NET1: variants seen among roughly 807,000 people sequenced by gnomAD.
NET1 encodes neuroepithelial cell-transforming gene 1 protein.
Under a neutral mutation model 61.1 loss-of-function variants are expected in NET1, and 42 were observed. That is an observed-to-expected ratio of 0.69 (90% CI 0.54 to 0.89). NET1 has a LOEUF of 0.89. Among genes scored for constraint, NET1 ranks in the 40% least tolerant of loss-of-function variants. The pLI is 0.00. For missense variants in NET1, 654 were observed against 747.3 expected (o/e 0.88, Z 1.46); for synonymous variants, 254 against 281.8 (o/e 0.90, Z 0.99).
rs57698527 is a variant in NET1 at position 5,428,038 on chromosome 10, CTTTTTTTTTTTTTT to C, written c.196-1116_196-1103del. On this transcript the variant is annotated intron_variant, in intron 2 of 11. Transcript: ENST00000355029. ...CACTTCTATCTGGACTTTGCCGTTCCTTTTTTTTTTTTTTTTTTTTTTTTTTTTTCTTCTCTATT... is the reference window on the plus strand; with the variant it reads ...CACTTCTATCTGGACTTTGCCGTTCCTTTTTTTTTTTTTTTCTTCTCTATT... 4.6e-4 allele frequency among the ~76,000 whole-genome samples: 52 copies of C among 113,876 alleles called. 1 individual carries two copies. In the East Asian group the frequency reaches 9.7e-3, roughly 21 times the overall value. 74.7% of individuals were successfully genotyped at this position (113,876 alleles called of 152,430 possible).
rs757782286 is a variant in NET1 at position 5,456,275 on chromosome 10, TA to T, written c.1384+6del. 1.3e-6 allele frequency: 2 copies of T among 1,599,914 alleles called. No homozygotes were observed. Among genetic ancestry groups the T allele is most frequent in the Middle Eastern group, 1.7e-4 (1 of 6,006 alleles). On this transcript the variant is annotated splice_donor_region_variant and intron_variant, in intron 11 of 11. Coordinates refer to ENST00000355029, the MANE Select transcript of NET1 (RefSeq NM_001047160.3). This position sits in a 1 kb window ranked among gnomAD's most constrained non-coding sequence, Gnocchi z 7.0. ...GAGCTTTCAGTAACTCAGAGAAAGG[TA>T]AAATGCAGGCCTTCAATAATTTAAA...
At chr10:5,434,729 G>GTT (rs372455994) in intron 3 of NET1, among the ~76,000 whole-genome samples, 1 of 123,034 alleles carries the variant, frequency 8.1e-6, no homozygotes, top group African/African-American at 3.0e-5. Context: ...TAGTTGCTCT[G>GTT]TTTTTTTTTT....
chr10:5,458,551 A>G lies in NET1; in HGVS notation c.*1557A>G, dbSNP rs1304001621. ...GGCAAAGGAGGTAGTGGTAAGCCTC[A>G]TAAAAGTTAGTAAAAATTGTAGTTC... On this transcript the variant is annotated 3_prime_UTR_variant, in exon 12 of 12. Coordinates refer to ENST00000355029, the MANE Select transcript of NET1 (RefSeq NM_001047160.3). This position sits in a 1 kb window ranked among gnomAD's most constrained non-coding sequence, Gnocchi z 4.5. 1 of 152,652 alleles carries G rather than the reference A, an allele frequency of 6.6e-6. No homozygotes were observed. The allele number at this position is 152,652 out of a possible 1,614,324, so 9.5% of individuals were successfully genotyped here. A position where few individuals can be genotyped will look rare whatever the true frequency, so the allele number is the denominator to read the frequency against.
Position 5,452,984 on chromosome 10 carries a change from G to A in NET1, c.594+64G>A. 4 of 1,149,358 alleles carry A rather than the reference G, an allele frequency of 3.5e-6. No individual in the cohort carries two copies. Among genetic ancestry groups the A allele is most frequent in the Non-Finnish European group, 5.2e-6 (4 of 765,660 alleles). The allele number at this position is 1,149,358 out of a possible 1,614,324, so 71.2% of individuals were successfully genotyped here. ...AAAATTACATTTCACAAAATCTAAAGGATAGTTTTCTTAACCTTTAGAAGT... is the reference window on the plus strand; with the variant it reads ...AAAATTACATTTCACAAAATCTAAAAGATAGTTTTCTTAACCTTTAGAAGT... On this transcript the variant is annotated intron_variant, in intron 6 of 11. Coordinates refer to ENST00000355029, the MANE Select transcript of NET1 (RefSeq NM_001047160.3). The surrounding 1 kb of genome is among the most constrained non-coding windows in gnomAD (Gnocchi z 4.0).
At position 5,456,446 on chromosome 10, in the gene NET1, T is replaced by C. The variant is rs1362850892; in HGVS notation, c.1385-142T>C. The C allele has an allele frequency of 9.5e-7, 1 of 1,049,922 alleles. No homozygotes were observed. The highest frequency in any genetic ancestry group is 2.9e-5 in the Admixed American group (1 of 33,996). 65.0% of individuals were successfully genotyped at this position (1,049,922 alleles called of 1,614,324 possible). A position where few individuals can be genotyped will look rare whatever the true frequency, so the allele number is the denominator to read the frequency against. On this transcript the variant is annotated intron_variant, in intron 11 of 11. Transcript: ENST00000355029. This position sits in a 1 kb window ranked among gnomAD's most constrained non-coding sequence, Gnocchi z 7.0. ...AACACCCGCAGGTGTATCTAAGAAATAATGCATAGGCTTAATGTATTCACA... is the reference window on the plus strand; with the variant it reads ...AACACCCGCAGGTGTATCTAAGAAACAATGCATAGGCTTAATGTATTCACA...
At chr10:5,442,562 T>A (rs1346193872) in intron 3 of NET1, among the ~76,000 whole-genome samples, 2 of 152,182 alleles carry the variant, frequency 1.3e-5, no homozygotes, top group African/African-American at 4.8e-5. Flanking sequence ...CGCTAACCAA[T>A]CTGTGCCTCA....
At position 5,454,317 on chromosome 10, in the gene NET1, A is replaced by G; in HGVS notation, c.821A>G (p.Lys274Arg). The change falls in exon 9 of 12, where the codon AAA becomes AGA. Residue 274 changes from lysine to arginine, a missense_variant. By Grantham distance (26) the Lys-to-Arg change is conservative. Transcript: ENST00000355029. This position sits in a 1 kb window ranked among gnomAD's most constrained non-coding sequence, Gnocchi z 8.1. The part of the protein sequence containing the change: ...RGYCSNQLAA[K>R]ALLDQKKQDP... ...TACTGTAGTAACCAGCTGGCAGCCA[A>G]AGCTCTTCTTGATCAAAAGAAACAG... is the stretch of plus-strand genomic sequence containing the variant. 5 of 1,614,188 alleles carry G rather than the reference A, an allele frequency of 3.1e-6. No homozygotes were observed. The highest frequency in any genetic ancestry group is 4.2e-6 in the Non-Finnish European group (5 of 1,180,044).
chr10:5,450,480 A>G (rs568214549), intron 3 of NET1, among the ~76,000 whole-genome samples: 3 of 152,148 alleles, frequency 2.0e-5, no homozygotes, highest in Admixed American at 6.5e-5. Flanking sequence ...TATAGTCTTC[A>G]GTTGTTTAAA....
Position 5,456,338 on chromosome 10 carries a change from G to A in NET1, c.1384+65G>A, listed in dbSNP as rs532823654. ...TCAGAACTGAAGTGAATTTAGTTTTGCCTTTAAGAATTCTAGAGATGAAAT... is the reference window on the plus strand; with the variant it reads ...TCAGAACTGAAGTGAATTTAGTTTTACCTTTAAGAATTCTAGAGATGAAAT... On this transcript the variant is annotated intron_variant, in intron 11 of 11. Transcript: ENST00000355029. This position sits in a 1 kb window ranked among gnomAD's most constrained non-coding sequence, Gnocchi z 7.0. 182 of 1,421,808 alleles carry A rather than the reference G, an allele frequency of 1.3e-4. No individual in the cohort carries two copies. The highest frequency in any genetic ancestry group is 1.6e-4 in the Non-Finnish European group (173 of 1,066,288). The allele number at this position is 1,421,808 out of a possible 1,614,324, so 88.1% of individuals were successfully genotyped here. A position where few individuals can be genotyped will look rare whatever the true frequency, so the allele number is the denominator to read the frequency against.
At position 5,456,688 on chromosome 10, in the gene NET1, T is replaced by C; in HGVS notation, c.1485T>C (p.Cys495=). 1 of 1,614,114 alleles carries C rather than the reference T, an allele frequency of 6.2e-7. No individual in the cohort carries two copies. Among genetic ancestry groups the C allele is most frequent in the Admixed American group, 1.7e-5 (1 of 60,020 alleles). ...TCCACAAGCAGCAGTGGTTCAACTG[T>C]ATTCGAGCGGCCATTGCCCCCTTCC... The part of the protein sequence containing the change: ...DVFHKQQWFN[C]IRAAIAPFQS... The change falls in exon 12 of 12, where the codon TGT becomes TGC. Residue 495 remains cysteine, a synonymous_variant. Coordinates refer to ENST00000355029, the MANE Select transcript of NET1 (RefSeq NM_001047160.3). This position sits in a 1 kb window ranked among gnomAD's most constrained non-coding sequence, Gnocchi z 7.0.
rs749190950 is a variant in NET1 at position 5,417,558 on chromosome 10, C to A, written c.128+4738C>A. On this transcript the variant is annotated intron_variant, in intron 1 of 11. Transcript: ENST00000355029. The surrounding 1 kb of genome is among the most constrained non-coding windows in gnomAD (Gnocchi z 5.5). ...TGCTACCTTGCTGAGCTCATTAGTT[C>A]TAATAGTTTTTTAGTGGTTTCTTTA... 3.3e-5 allele frequency among the ~76,000 whole-genome samples: 5 copies of A among 152,156 alleles called. No individual in the cohort carries two copies. Among genetic ancestry groups the A allele is most frequent in the Admixed American group, 6.5e-5 (1 of 15,276 alleles).
Position 5,422,314 on chromosome 10 carries a change from G to T in NET1, c.129-4341G>T, listed in dbSNP as rs1007643915. Reference sequence around the variant, plus strand: ...ATCGTACCACTGCACTCCAGCCTGGGTGACAGAGCAAAACTCCGTCTCAAA... The same window carrying T: ...ATCGTACCACTGCACTCCAGCCTGGTTGACAGAGCAAAACTCCGTCTCAAA... On this transcript the variant is annotated intron_variant, in intron 1 of 11. Coordinates refer to ENST00000355029, the MANE Select transcript of NET1 (RefSeq NM_001047160.3). The surrounding 1 kb of genome is among the most constrained non-coding windows in gnomAD (Gnocchi z 4.1). Among the ~76,000 whole-genome samples the T allele has an allele frequency of 6.6e-6, 1 of 151,764 alleles. No homozygotes were observed. The highest frequency in any genetic ancestry group is 1.5e-5 in the Non-Finnish European group (1 of 67,966).
Position 5,454,491 on chromosome 10 carries a change from A to G in NET1, c.995A>G (p.Glu332Gly). The part of the protein sequence containing the change: ...LKEILKHTPK[E>G]HPDVQLLEDA... ...GAAATTCTTAAACACACTCCAAAAGAGCACCCTGATGTTCAGCTTCTGGAG... is the reference window on the plus strand; with the variant it reads ...GAAATTCTTAAACACACTCCAAAAGGGCACCCTGATGTTCAGCTTCTGGAG... The change falls in exon 9 of 12, where the codon GAG becomes GGG. Residue 332 changes from glutamate (E) to glycine (G), a missense_variant. Physicochemically the swap from Glu to Gly is moderately conservative, Grantham distance 98. Transcript: ENST00000355029. The surrounding 1 kb of genome is among the most constrained non-coding windows in gnomAD (Gnocchi z 8.1). 1 of 1,614,062 alleles carries G rather than the reference A, an allele frequency of 6.2e-7. No individual in the cohort carries two copies. Among genetic ancestry groups the G allele is most frequent in the Non-Finnish European group, 8.5e-7 (1 of 1,180,002 alleles).
intron 1 of NET1, among the ~76,000 whole-genome samples, chr10:5,418,037 A>G (rs768376518): frequency 3.3e-5 from 5 of 151,854 alleles, no homozygotes; most frequent in Non-Finnish European, 5.9e-5. Flanking sequence ...TTTTAAATAT[A>G]TTGTTGGATC....
chr10:5,416,155 C>T lies in NET1; in HGVS notation c.128+3335C>T, dbSNP rs1271028214. Among the ~76,000 whole-genome samples, 1 of 152,186 alleles carries T rather than the reference C, an allele frequency of 6.6e-6. No homozygotes were observed. The highest frequency in any genetic ancestry group is 2.4e-5 in the African/African-American group (1 of 41,446). ...CACCATTTTTTGAAGACTGTTCTTT[C>T]TCCCACTGAGTAGTCTTAGCACCCT... On this transcript the variant is annotated intron_variant, in intron 1 of 11. Transcript: ENST00000355029. This position sits in a 1 kb window ranked among gnomAD's most constrained non-coding sequence, Gnocchi z 6.1.
Position 5,451,809 on chromosome 10 carries a change from T to A in NET1, c.256-21T>A. 1 of 1,593,796 alleles carries A rather than the reference T, an allele frequency of 6.3e-7. No individual in the cohort carries two copies. Among genetic ancestry groups the A allele is most frequent in the Non-Finnish European group, 8.6e-7 (1 of 1,162,660 alleles). On this transcript the variant is annotated intron_variant, in intron 3 of 11. Coordinates refer to ENST00000355029, the MANE Select transcript of NET1 (RefSeq NM_001047160.3). This position sits in a 1 kb window ranked among gnomAD's most constrained non-coding sequence, Gnocchi z 6.1. ...ATTGCACCTAGACATATATTTAGTG[T>A]CATCTGGTTTGTTTTTATAGGAGCC...
In NET1 at chr10:5,412,910, C is replaced by A; in HGVS notation, c.128+90C>A. 1 of 132,358 alleles carries A rather than the reference C, an allele frequency of 7.6e-6. No individual in the cohort carries two copies. The highest frequency in any genetic ancestry group is 1.3e-5 in the Non-Finnish European group (1 of 74,368). 8.2% of individuals were successfully genotyped at this position (132,358 alleles called of 1,614,324 possible). On this transcript the variant is annotated intron_variant, in intron 1 of 11. Coordinates refer to ENST00000355029, the MANE Select transcript of NET1 (RefSeq NM_001047160.3). The surrounding 1 kb of genome is among the most constrained non-coding windows in gnomAD (Gnocchi z 6.5). ...AGGTGAGTGTTGGAGAGGCAAGGGCCGGGGGGAGGGGAGGGCTGGCCGGGA... is the reference window on the plus strand; with the variant it reads ...AGGTGAGTGTTGGAGAGGCAAGGGCAGGGGGGAGGGGAGGGCTGGCCGGGA...
Position 5,428,033 on chromosome 10 carries a change from C to T in NET1, c.196-1137C>T, listed in dbSNP as rs538675413. Among the ~76,000 whole-genome samples, 10 of 121,794 alleles carry T rather than the reference C, an allele frequency of 8.2e-5. No individual in the cohort carries two copies. In the South Asian group the frequency reaches 1.9e-3, roughly 23 times the overall value. The allele number at this position is 121,794 out of a possible 152,430, so 79.9% of individuals were successfully genotyped here. A position where few individuals can be genotyped will look rare whatever the true frequency, so the allele number is the denominator to read the frequency against. On this transcript the variant is annotated intron_variant, in intron 2 of 11. Coordinates refer to ENST00000355029, the MANE Select transcript of NET1 (RefSeq NM_001047160.3). ...TTCTCCACTTCTATCTGGACTTTGC[C>T]GTTCCTTTTTTTTTTTTTTTTTTTT...
Position 5,454,426 on chromosome 10 carries a change from C to A in NET1, c.930C>A (p.Ile310=). 6.2e-7 allele frequency: 1 copy of A among 1,614,142 alleles called. No individual in the cohort carries two copies. Among genetic ancestry groups the A allele is most frequent in the South Asian group, 1.1e-5 (1 of 91,070 alleles). The change falls in exon 9 of 12, where the codon ATC becomes ATA. Residue 310 remains isoleucine (I), a synonymous_variant. Coordinates refer to ENST00000355029, the MANE Select transcript of NET1 (RefSeq NM_001047160.3). The surrounding 1 kb of genome is among the most constrained non-coding windows in gnomAD (Gnocchi z 8.1). ...RKLDLWSFLD[I]PRSRLVKYPL... is the part of the protein sequence containing the mutation. ...TAGATCTTTGGAGTTTCCTAGATAT[C>A]CCTCGAAGTCGCCTAGTCAAATACC...
Sources: gnomAD v4.1 joint callset for allele counts (sites outside exome capture counted in the v4.1 genomes callset) on GRCh38, gnomAD v4.1.1 for gene constraint, Gnocchi (gnomAD v3.1) non-coding constraint, MANE v1.5 for transcripts, NCBI Gene and HGNC (gene_info 2026-07-23, HGNC 2026-07-21) for gene names.